The following KLK2 variants were observed in gnomAD, a reference collection of about 807,000 sequenced individuals.
KLK2 encodes the protein kallikrein-2.
Under a neutral mutation model 23.0 loss-of-function variants are expected in KLK2, and 17 were observed. That is an observed-to-expected ratio of 0.74 (90% CI 0.51 to 1.11). The LOEUF is 1.11. KLK2 is among the 50% of genes least tolerant of loss of function. The probability of loss-of-function intolerance (pLI) is 0.00; values close to 1 mark genes in which losing one functional copy is unlikely to be tolerated. For synonymous variants in KLK2, 140 were observed against 124.7 expected, an observed-to-expected ratio of 1.12 and a Z score of -0.82; for missense variants, 330 against 325.9, an observed-to-expected ratio of 1.01 and a Z score of -0.10.
Position 50,876,461 on chromosome 19 carries a change from T to A in KLK2, c.207-11T>A. The A allele has an allele frequency of 1.9e-6, 3 of 1,613,216 alleles. No individual in the cohort carries two copies. The highest frequency in any genetic ancestry group is 2.5e-6 in the Non-Finnish European group (3 of 1,179,460). On this transcript the variant is annotated splice_polypyrimidine_tract_variant and intron_variant, in intron 2 of 4. Coordinates refer to ENST00000325321, the MANE Select transcript of KLK2 (RefSeq NM_005551.5). ...TCTCTCTCCTCATGCATCCACCCCC[T>A]TCCTCCCCAGGAATAGCCAGGTCTG...
Position 50,878,615 on chromosome 19 carries a change from A to T in KLK2, c.*56A>T. 6.5e-7 allele frequency: 1 copy of T among 1,548,902 alleles called. No individual in the cohort carries two copies. ...ATTTAAGTCCACCTCACGTTCTGGC[A>T]TCACTTGGCCTTTCTGGATGCTGGA... is the stretch of plus-strand genomic sequence containing the variant. On this transcript the variant is annotated 3_prime_UTR_variant, in exon 5 of 5. Transcript: ENST00000325321.
At chr19:50,878,361 G>A in intron 4 of KLK2, 43 bp from the exon 5 acceptor site, 1 of 1,576,424 alleles carries the variant, frequency 6.3e-7, no homozygotes, top group Non-Finnish European at 8.7e-7. Flanking sequence ...GGCAGTTATT[G>A]GGGCCAATCT....
chr19:50,876,922 G>A lies in KLK2; in HGVS notation c.544G>A (p.Asp182Asn). 1 of 1,614,188 alleles carries A rather than the reference G, an allele frequency of 6.2e-7. No homozygotes were observed. Among genetic ancestry groups the A allele is most frequent in the Middle Eastern group, 1.6e-4 (1 of 6,062 alleles). Residue 182 changes from aspartate to asparagine, a missense_variant, in exon 4 of 5, where the codon GAC becomes AAC. Transcript: ENST00000325321. ...TGTGAGCCTCCATCTCCTGTCCAAT[G>A]ACATGTGTGCTAGAGCTTACTCTGA... ...QCVSLHLLSN[D>N]MCARAYSEKV...
In KLK2 at chr19:50,876,904, C is replaced by T. The variant is rs900452791; in HGVS notation, c.526C>T (p.Leu176Phe). Residue 176 changes from leucine (L) to phenylalanine (F), a missense_variant, in exon 4 of 5, where the codon CTC becomes TTC. Physicochemically the swap from Leu to Phe is conservative, Grantham distance 22. Transcript: ENST00000325321. ...CCCCAGGAGTCTTCAGTGTGTGAGCCTCCATCTCCTGTCCAATGACATGTG... is the reference window on the plus strand; with the variant it reads ...CCCCAGGAGTCTTCAGTGTGTGAGCTTCCATCTCCTGTCCAATGACATGTG... ...LRPRSLQCVS[L>F]HLLSNDMCAR... The T allele has an allele frequency of 6.8e-6, 11 of 1,614,186 alleles. No homozygotes were observed. The highest frequency in any genetic ancestry group is 9.3e-6 in the Non-Finnish European group (11 of 1,180,014).
rs2090315094 is a variant in KLK2, at chr19:50,878,752, G to A, written c.*193G>A. 5.8e-6 allele frequency: 3 copies of A among 518,256 alleles called. No homozygotes were observed. Among genetic ancestry groups the A allele is most frequent in the Non-Finnish European group, 1.0e-5 (3 of 288,848 alleles). 32.1% of individuals were successfully genotyped at this position (518,256 alleles called of 1,614,324 possible). A position where few individuals can be genotyped will look rare whatever the true frequency, so the allele number is the denominator to read the frequency against. Reference sequence around the variant, plus strand: ...CTAGGAAAAGGAATGGGCAGACACAGGTGTATGCCAATGTTTCTGAAATGG... The same window carrying A: ...CTAGGAAAAGGAATGGGCAGACACAAGTGTATGCCAATGTTTCTGAAATGG... On this transcript the variant is annotated 3_prime_UTR_variant, in exon 5 of 5. Transcript: ENST00000325321.
At position 50,878,999 on chromosome 19, in the gene KLK2, C is replaced by T. The variant is rs1568504970; in HGVS notation, c.*440C>T. 2 of 237,912 alleles carry T rather than the reference C, an allele frequency of 8.4e-6. No individual in the cohort carries two copies. The highest frequency in any genetic ancestry group is 1.7e-5 in the Non-Finnish European group (2 of 120,778). 14.7% of individuals were successfully genotyped at this position (237,912 alleles called of 1,614,324 possible). On this transcript the variant is annotated 3_prime_UTR_variant, in exon 5 of 5. Transcript: ENST00000325321. ...AGCCACAATGCATGAGGCACACACA[C>T]AGCAAGGATGACGCTGTAAACATAG... is the stretch of plus-strand genomic sequence containing the variant.
At chr19:50,876,188 A>T (rs2090285262) in intron 2 of KLK2, 2 of 451,928 alleles carry the variant, frequency 4.4e-6, no homozygotes, top group South Asian at 3.6e-5. Flanking sequence ...TTCTTTGCTC[A>T]TCCTAATTCT....
At chr19:50,877,624 G>C (rs1371241856) in intron 4 of KLK2, 1 of 159,372 alleles carries the variant, frequency 6.3e-6, no homozygotes, top group Non-Finnish European at 1.4e-5. Context: ...CAGGGCGCGA[G>C]ATGGCCTCAC....
chr19:50,873,896 C>T (rs2090256018), intron 1 of KLK2: 1 of 237,408 alleles, frequency 4.2e-6, no homozygotes, highest in Admixed American at 5.2e-5. Context: ...CCACAGTCTA[C>T]TGACTTTTCC....
Position 50,876,618 on chromosome 19 carries a change from G to A in KLK2, c.353G>A (p.Ser118Asn). ...AGCCTTAGACCAGATGAAGACTCCA[G>A]CCATGACCTCATGCTGCTCCGCCTG... The part of the protein sequence containing the change: ...HQSLRPDEDS[S>N]HDLMLLRLSE... The change falls in exon 3 of 5, where the codon AGC becomes AAC. Residue 118 changes from serine to asparagine, a missense_variant. Ser to Asn is a conservative substitution (Grantham distance 46, BLOSUM62 1). Coordinates refer to ENST00000325321, the MANE Select transcript of KLK2 (RefSeq NM_005551.5). 1 of 1,614,218 alleles carries A rather than the reference G, an allele frequency of 6.2e-7. No individual in the cohort carries two copies. Among genetic ancestry groups the A allele is most frequent in the Non-Finnish European group, 8.5e-7 (1 of 1,180,048 alleles).
chr19:50,874,978 G>C, intron 2 of KLK2, 98 bp downstream of exon 2: 1 of 1,456,570 alleles, frequency 6.9e-7, no homozygotes, highest in Non-Finnish European at 9.1e-7. Context: ...TGAGGCTTCA[G>C]ACTAAAGGAG....
intron 4 of KLK2, chr19:50,877,269 G>A (rs198973): frequency 0.014 from 7,901 of 548,118 alleles, 451 homozygotes; most frequent in African/African-American, 0.13. Flanking sequence ...CAGCATTGCC[G>A]TAGACCCTGG....
intron 4 of KLK2, chr19:50,877,254 G>A (rs1376824160): frequency 1.6e-5 from 9 of 576,064 alleles, no homozygotes; most frequent in South Asian, 2.1e-5. Flanking sequence ...CACCTGCTAC[G>A]TGACCAGCAT....
At position 50,878,711 on chromosome 19, in the gene KLK2, G is replaced by A; in HGVS notation, c.*152G>A. The A allele has an allele frequency of 8.9e-6, 6 of 676,766 alleles. No individual in the cohort carries two copies. The highest frequency in any genetic ancestry group is 2.1e-5 in the South Asian group (1 of 48,714). 41.9% of individuals were successfully genotyped at this position (676,766 alleles called of 1,614,324 possible). A position where few individuals can be genotyped will look rare whatever the true frequency, so the allele number is the denominator to read the frequency against. ...GTCCTACTGACCTGTGCTTTCTGGT[G>A]TGGAGTCCAGGGCTGCTAGGAAAAG... On this transcript the variant is annotated 3_prime_UTR_variant, in exon 5 of 5. Transcript: ENST00000325321.
rs574417004 is a variant in KLK2 at position 50,879,138 on chromosome 19, T to A, written c.*579T>A. On this transcript the variant is annotated 3_prime_UTR_variant, in exon 5 of 5. Coordinates refer to ENST00000325321, the MANE Select transcript of KLK2 (RefSeq NM_005551.5). ...CTAGGGGGAGAAACTGAAAGCTGATTAATTACAGGAGGTTTGTTCAGGTCC... is the reference window on the plus strand; with the variant it reads ...CTAGGGGGAGAAACTGAAAGCTGATAAATTACAGGAGGTTTGTTCAGGTCC... The A allele has an allele frequency of 3.4e-5, 8 of 233,126 alleles. No homozygotes were observed. Among genetic ancestry groups the A allele is most frequent in the African/African-American group, 1.8e-4 (8 of 45,446 alleles). 14.4% of individuals were successfully genotyped at this position (233,126 alleles called of 1,614,324 possible). A position where few individuals can be genotyped will look rare whatever the true frequency, so the allele number is the denominator to read the frequency against.
rs867098244 is a variant in KLK2, at chr19:50,876,710, G to A, written c.445G>A (p.Gly149Arg). The part of the protein sequence containing the change: ...LGLPTQEPAL[G>R]TTCYASGWGS... Reference sequence around the variant, plus strand: ...CCTGCCCACCCAGGAGCCAGCACTGGGGACCACCTGCTACGCCTCAGGCTG... The same window carrying A: ...CCTGCCCACCCAGGAGCCAGCACTGAGGACCACCTGCTACGCCTCAGGCTG... The change falls in exon 3 of 5, where the codon GGG becomes AGG. Residue 149 changes from glycine (G) to arginine (R), a missense_variant. Coordinates refer to ENST00000325321, the MANE Select transcript of KLK2 (RefSeq NM_005551.5). The A allele has an allele frequency of 6.2e-7, 1 of 1,614,172 alleles. No homozygotes were observed. Among genetic ancestry groups the A allele is most frequent in the Non-Finnish European group, 8.5e-7 (1 of 1,180,042 alleles).
chr19:50,875,836 C>T lies in KLK2; in HGVS notation c.207-636C>T, dbSNP rs933567367. The T allele has an allele frequency of 1.3e-4, 20 of 152,370 alleles. 1 individual carries two copies. Among genetic ancestry groups the T allele is most frequent in the Admixed American group, 9.2e-4 (14 of 15,200 alleles). 9.4% of individuals were successfully genotyped at this position (152,370 alleles called of 1,614,324 possible). On this transcript the variant is annotated intron_variant, in intron 2 of 4. Transcript: ENST00000325321. ...CAAACAAACAAACAACAAAAAAAAT[C>T]GAAAGGAGGGGAAGGGAGCTGGAGA... is the stretch of plus-strand genomic sequence containing the variant.
Position 50,878,649 on chromosome 19 carries a change from G to A in KLK2, c.*90G>A, listed in dbSNP as rs1005878451. The stretch of plus-strand genomic sequence containing the variant: ...CCTTTCTGGATGCTGGACACCTGAA[G>A]CTTGGAACTCACCTGGCCGAAGCTC... On this transcript the variant is annotated 3_prime_UTR_variant, in exon 5 of 5. Coordinates refer to ENST00000325321, the MANE Select transcript of KLK2 (RefSeq NM_005551.5). 1.5e-6 allele frequency: 2 copies of A among 1,336,136 alleles called. No homozygotes were observed. The highest frequency in any genetic ancestry group is 2.9e-5 in the African/African-American group (2 of 69,262). The allele number at this position is 1,336,136 out of a possible 1,614,324, so 82.8% of individuals were successfully genotyped here.
chr19:50,873,714 T>G lies in KLK2; in HGVS notation c.46+195T>G, dbSNP rs2090253777. On this transcript the variant is annotated intron_variant, in intron 1 of 4. Coordinates refer to ENST00000325321, the MANE Select transcript of KLK2 (RefSeq NM_005551.5). Reference sequence around the variant, plus strand: ...GCTCCCTCCCACTTACCTCAGACCTTTCTCTCCATTGCCCAGCCAAATCCC... The same window carrying G: ...GCTCCCTCCCACTTACCTCAGACCTGTCTCTCCATTGCCCAGCCAAATCCC... 1.3e-5 allele frequency: 7 copies of G among 544,964 alleles called. No individual in the cohort carries two copies. In the South Asian group the frequency reaches 1.7e-4, roughly 13 times the overall value. The allele number at this position is 544,964 out of a possible 1,614,324, so 33.8% of individuals were successfully genotyped here.
Sources: gnomAD v4.1 joint callset for allele counts on GRCh38, gnomAD v4.1.1 for gene constraint, MANE v1.5 for transcripts, NCBI Gene and HGNC (gene_info 2026-07-23, HGNC 2026-07-21) for gene names.